Variants in ANKFN1 observed in about 807,000 individuals in gnomAD.
The protein encoded by ANKFN1 is ankyrin repeat and fibronectin type III domain containing 1, also known as ankyrin repeat and fibronectin type-III domain-containing protein 1.
ANKFN1 carries 74 observed loss-of-function variants against 108.7 expected under a neutral mutation model. The ratio of observed to expected loss-of-function variants is 0.68; its 90% CI spans 0.56 to 0.83. The LOEUF (loss-of-function observed/expected upper bound fraction) is 0.83, where lower values mean the gene tolerates loss of function less well. Among genes scored for constraint, ANKFN1 ranks in the 40% least tolerant of loss-of-function variants. ANKFN1 has a pLI of 0.00. For synonymous variants in ANKFN1, 547 were observed against 516.2 expected (o/e 1.06, Z -0.81); for missense variants, 1,505 against 1,382.3 (o/e 1.09, Z -1.41).
chr17:56,303,579 C>T (rs1216665599), intron 3 of ANKFN1, among the ~76,000 whole-genome samples: 5 of 152,200 alleles, frequency 3.3e-5, no homozygotes, highest in Non-Finnish European at 7.3e-5. Flanking sequence ...AGGCTATTTT[C>T]ACAGTGGATC....
At chr17:56,475,656 G>A (rs920252113) in intron 15 of ANKFN1, among the ~76,000 whole-genome samples, 3 of 152,052 alleles carry the variant, frequency 2.0e-5, no homozygotes, top group African/African-American at 4.8e-5. Context: ...TAGTTGTGGG[G>A]TACAAAGTGA....
chr17:56,064,878 T>A (rs1436835139), intron 4 of ANKFN1, among the ~76,000 whole-genome samples: 1 of 152,200 alleles, frequency 6.6e-6, no homozygotes, highest in South Asian at 2.1e-4. Flanking sequence ...GATCTTCCAA[T>A]CTGTGGGTCG....
At chr17:56,412,269 A>G (rs2048114481) in intron 8 of ANKFN1, among the ~76,000 whole-genome samples, 1 of 152,128 alleles carries the variant, frequency 6.6e-6, no homozygotes, top group Non-Finnish European at 1.5e-5. Context: ...CTTGGACTAT[A>G]GTTGTTCATA....
In ANKFN1 at chr17:56,511,286, T is replaced by C; in HGVS notation, c.*17T>C. 2 of 1,497,694 alleles carry C rather than the reference T, an allele frequency of 1.3e-6. No individual in the cohort carries two copies. The highest frequency in any genetic ancestry group is 8.9e-7 in the Non-Finnish European group (1 of 1,124,444). 92.8% of individuals were successfully genotyped at this position (1,497,694 alleles called of 1,614,324 possible). ...ATGCTTTAGGGAGGCCCATCCCGGCTGTCCACCCCTCCATGGCTGCTACCT... is the reference window on the plus strand; with the variant it reads ...ATGCTTTAGGGAGGCCCATCCCGGCCGTCCACCCCTCCATGGCTGCTACCT... On this transcript the variant is annotated 3_prime_UTR_variant, in exon 21 of 21. Coordinates refer to ENST00000682825, the MANE Select transcript of ANKFN1 (RefSeq NM_001370326.1).
At chr17:56,488,786 C>T (rs2145405977) in intron 18 of ANKFN1, among the ~76,000 whole-genome samples, 1 of 152,332 alleles carries the variant, frequency 6.6e-6, no homozygotes, top group South Asian at 2.1e-4. Context: ...ATGGCCCAGA[C>T]TGATTAGGAT....
chr17:56,135,744 C>T (rs1907563842), intron 4 of ANKFN1, among the ~76,000 whole-genome samples: 1 of 152,038 alleles, frequency 6.6e-6, no homozygotes, highest in South Asian at 2.1e-4. Context: ...ATTAAGGGTT[C>T]TATTTACTCT....
intron 6 of ANKFN1, among the ~76,000 whole-genome samples, chr17:56,368,750 T>C (rs1250879091): frequency 6.6e-6 from 1 of 152,170 alleles, no homozygotes; most frequent in Non-Finnish European, 1.5e-5. Flanking sequence ...ATATACCTTG[T>C]TGTGTCAAAA....
chr17:56,080,127 T>C (rs1905228203), intron 4 of ANKFN1, among the ~76,000 whole-genome samples: 1 of 152,208 alleles, frequency 6.6e-6, no homozygotes, highest in African/African-American at 2.4e-5. Flanking sequence ...AGATTTTCAA[T>C]TTTTAATGTT....
intron 3 of ANKFN1, among the ~76,000 whole-genome samples, chr17:56,231,159 T>A (rs1481000484): frequency 2.0e-5 from 3 of 152,164 alleles, no homozygotes; most frequent in Non-Finnish European, 4.4e-5. Context: ...TTTCTTCATT[T>A]TTTTTCCTGT....
chr17:56,198,343 C>T (rs925762978), intron 1 of ANKFN1, among the ~76,000 whole-genome samples: 5 of 152,202 alleles, frequency 3.3e-5, no homozygotes, highest in Non-Finnish European at 7.3e-5. Context: ...ACCTCGATCT[C>T]TCACATGCAC....
intron 20 of ANKFN1, among the ~76,000 whole-genome samples, chr17:56,506,465 G>A (rs2145479185): frequency 6.6e-6 from 1 of 152,176 alleles, no homozygotes; most frequent in Middle Eastern, 3.4e-3. Flanking sequence ...AATGCTGACA[G>A]CCACCAGAAG....
At chr17:56,449,236 C>T (rs761868940) in intron 11 of ANKFN1, 50 bp downstream of exon 11, 25 of 1,465,076 alleles carry the variant, frequency 1.7e-5, no homozygotes, top group Non-Finnish European at 2.3e-5. Context: ...TCGGTGGCGC[C>T]GGTAATTTTA....
At chr17:56,165,446 A>G (rs534897096) in intron 1 of ANKFN1, among the ~76,000 whole-genome samples, 1 of 152,296 alleles carries the variant, frequency 6.6e-6, no homozygotes, top group African/African-American at 2.4e-5. Flanking sequence ...TTTCCTTGTC[A>G]AGTGAAGTAG....
intron 4 of ANKFN1, among the ~76,000 whole-genome samples, chr17:56,086,275 A>G (rs4541132): frequency 0.81 from 121,596 of 150,368 alleles, 50,774 homozygotes; most frequent in African/African-American, 0.95. Context: ...TGTAGCAGCA[A>G]GTGCTTGTAA....
intron 18 of ANKFN1, among the ~76,000 whole-genome samples, chr17:56,485,645 A>G (rs2050831213): frequency 6.6e-6 from 1 of 152,222 alleles, no homozygotes; most frequent in South Asian, 2.1e-4. Context: ...AAAATAAAAA[A>G]TTTTAAAAAT....
chr17:56,133,544 G>A (rs1292371713), intron 4 of ANKFN1, among the ~76,000 whole-genome samples: 2 of 66,400 alleles, frequency 3.0e-5, no homozygotes, highest in African/African-American at 8.1e-5. Context: ...GTGTGTGTGT[G>A]TGTGTGTGTG....
chr17:56,275,329 T>TA (rs61555151), intron 3 of ANKFN1, among the ~76,000 whole-genome samples: 1 of 151,496 alleles, frequency 6.6e-6, no homozygotes, highest in Non-Finnish European at 1.5e-5. Context: ...TTTTTTTTTT[T>TA]AACAGCCTCC....
At position 56,204,424 on chromosome 17, in the gene ANKFN1, T is replaced by A. The variant is rs188633941; in HGVS notation, c.-70-8174T>A. On this transcript the variant is annotated intron_variant, in intron 1 of 20. Coordinates refer to ENST00000682825, the MANE Select transcript of ANKFN1 (RefSeq NM_001370326.1). ...GGCATGATCTCAATTCACTGCAACT[T>A]CTGCCTCCTAGGTTCAAGTAATTCT... Among the ~76,000 whole-genome samples the A allele has an allele frequency of 3.1e-3, 471 of 152,108 alleles. 1 individual carries two copies. The highest frequency in any genetic ancestry group is 5.3e-3 in the Non-Finnish European group (359 of 68,002).
chr17:56,188,563 A>ATG (rs1238184436), intron 1 of ANKFN1, among the ~76,000 whole-genome samples: 1,473 of 89,700 alleles, frequency 0.016, 29 homozygotes, highest in Middle Eastern at 0.048. Flanking sequence ...GTGTGTGTGT[A>ATG]TGTGTGTGTG....
Sources: allele counts gnomAD v4.1 joint callset (sites outside exome capture counted in the v4.1 genomes callset), GRCh38; gene constraint gnomAD v4.1.1; transcripts MANE v1.5; gene names NCBI Gene and HGNC (gene_info 2026-07-23, HGNC 2026-07-21).